Variants in TRABD2B observed in about 807,000 individuals in gnomAD.
TRABD2B encodes the protein metalloprotease TIKI2.
A neutral mutation model predicts 40.1 loss-of-function variants in TRABD2B; 14 were observed. The observed-to-expected ratio is 0.35, with a 90% confidence interval of 0.23 to 0.55. TRABD2B has a LOEUF of 0.55. Ranked by LOEUF, TRABD2B falls within the 20% of genes least tolerant of loss-of-function variation. TRABD2B has a pLI of 0.90. For missense variants in TRABD2B, 541 were observed against 648.6 expected, an observed-to-expected ratio of 0.83 and a Z score of 1.80; for synonymous variants, 263 against 277.0, an observed-to-expected ratio of 0.95 and a Z score of 0.50.
chr1:47,844,295 T>A (rs1645438718), intron 2 of TRABD2B, among the ~76,000 whole-genome samples: 3 of 152,210 alleles, frequency 2.0e-5, no homozygotes, highest in Admixed American at 6.5e-5. Context: ...TGTCCATGCC[T>A]GCCCAGAGTT....
chr1:47,951,607 G>A (rs1464950777), intron 2 of TRABD2B, among the ~76,000 whole-genome samples: 1 of 152,182 alleles, frequency 6.6e-6, no homozygotes, highest in Non-Finnish European at 1.5e-5. Context: ...GGGCACAGCT[G>A]GTTGGCTGTG....
chr1:47,887,579 GC>G (rs1644387263), intron 2 of TRABD2B, among the ~76,000 whole-genome samples: 2 of 148,954 alleles, frequency 1.3e-5, no homozygotes, highest in South Asian at 4.4e-4. Context: ...TGGGGTGGGG[GC>G]CGGCGGGGGG....
intron 2 of TRABD2B, among the ~76,000 whole-genome samples, chr1:47,831,980 C>T (rs1645256062): frequency 6.6e-6 from 1 of 152,214 alleles, no homozygotes; most frequent in Admixed American, 6.5e-5. Context: ...TGGTCTGGAG[C>T]TTATGTTTTA....
At chr1:47,872,417 A>AATGG (rs1240318520) in intron 2 of TRABD2B, among the ~76,000 whole-genome samples, 2 of 152,036 alleles carry the variant, frequency 1.3e-5, no homozygotes, top group Non-Finnish European at 2.9e-5. Context: ...TGAATGGAGG[A>AATGG]ATGGATGGAT....
chr1:47,809,786 G>A (rs1644939088), intron 2 of TRABD2B, among the ~76,000 whole-genome samples: 1 of 152,196 alleles, frequency 6.6e-6, no homozygotes, highest in African/African-American at 2.4e-5. Context: ...ATTTCCTGGA[G>A]CTGTGGACTG....
At chr1:47,945,460 C>A (rs1645247851) in intron 2 of TRABD2B, among the ~76,000 whole-genome samples, 1 of 152,234 alleles carries the variant, frequency 6.6e-6, no homozygotes, top group South Asian at 2.1e-4. Context: ...AATAAATGCA[C>A]CTTTTTTTGG....
intron 2 of TRABD2B, among the ~76,000 whole-genome samples, chr1:47,805,327 G>A (rs141059980): frequency 2.0e-3 from 308 of 151,578 alleles, no homozygotes; most frequent in Non-Finnish European, 3.6e-3. Context: ...TAATAAGTCT[G>A]TTATTAATAG....
chr1:47,765,860 C>G lies in TRABD2B; in HGVS notation c.*42G>C, dbSNP rs1351551271. On this transcript the variant is annotated 3_prime_UTR_variant, in exon 7 of 7. Transcript: ENST00000606738. ...GAGCAGTTGGGTGTGGCCGAAGACC[C>G]CTGTGTCATTTCTCTGGCTTCTCCA... 2 of 702,750 alleles carry G rather than the reference C, an allele frequency of 2.8e-6. No homozygotes were observed. Among genetic ancestry groups the G allele is most frequent in the Admixed American group, 2.0e-5 (1 of 49,992 alleles). The allele number at this position is 702,750 out of a possible 1,614,324, so 43.5% of individuals were successfully genotyped here.
rs147296707 is a variant in TRABD2B, at chr1:47,890,563, A to G, written c.667-88944T>C. 4.1e-4 allele frequency among the ~76,000 whole-genome samples: 62 copies of G among 152,198 alleles called. 1 individual carries two copies. In the East Asian group the frequency reaches 0.011, roughly 28 times the overall value. On this transcript the variant is annotated intron_variant, in intron 2 of 6. Transcript: ENST00000606738. Reference sequence around the variant, plus strand: ...TGAAAGAGCATTTCTTCAGCTTCCTACTGCTGGGGGGGCCCAGGTGTCCAC... The same window carrying G: ...TGAAAGAGCATTTCTTCAGCTTCCTGCTGCTGGGGGGGCCCAGGTGTCCAC...
chr1:47,815,238 A>G (rs1281179807), intron 2 of TRABD2B, among the ~76,000 whole-genome samples: 2 of 152,234 alleles, frequency 1.3e-5, no homozygotes, highest in African/African-American at 2.4e-5. Flanking sequence ...AGTCAGACAC[A>G]TTCTGGATGA....
chr1:47,867,313 G>A (rs1172215757), intron 2 of TRABD2B, among the ~76,000 whole-genome samples: 1 of 152,222 alleles, frequency 6.6e-6, no homozygotes, highest in Non-Finnish European at 1.5e-5. Context: ...GCTGGTGGTG[G>A]TAGGAAGGGA....
At chr1:47,804,635 G>C (rs1292890037) in intron 2 of TRABD2B, among the ~76,000 whole-genome samples, 2 of 152,202 alleles carry the variant, frequency 1.3e-5, no homozygotes, top group Non-Finnish European at 1.5e-5. Flanking sequence ...CACAGAGCTG[G>C]AAGGTGTTCC....
At chr1:47,827,509 G>A (rs4511165) in intron 2 of TRABD2B, among the ~76,000 whole-genome samples, 47,437 of 152,112 alleles carry the variant, frequency 0.31, 7,753 homozygotes, top group Non-Finnish European at 0.37. Flanking sequence ...TCCAGAGCCT[G>A]AAAGAAGCAT....
In TRABD2B at chr1:47,855,719, A is replaced by T. The variant is rs1643883591; in HGVS notation, c.667-54100T>A. ...GGGGGCTTTGGGAGGTAATCAGGTC[A>T]TGAAGGTGGAGCCCTCATTAGTGCC... On this transcript the variant is annotated intron_variant, in intron 2 of 6. Coordinates refer to ENST00000606738, the MANE Select transcript of TRABD2B (RefSeq NM_001194986.2). 2.0e-5 allele frequency among the ~76,000 whole-genome samples: 3 copies of T among 152,228 alleles called. No homozygotes were observed. The South Asian group carries it at 6.2e-4, about 32-fold the overall frequency.
intron 2 of TRABD2B, among the ~76,000 whole-genome samples, chr1:47,943,883 T>A (rs185804038): frequency 2.5e-4 from 38 of 152,260 alleles, no homozygotes; most frequent in African/African-American, 9.1e-4. Context: ...CATGAGCATT[T>A]ACCACACACC....
chr1:47,821,036 C>G (rs1233887852), intron 2 of TRABD2B, among the ~76,000 whole-genome samples: 1 of 152,160 alleles, frequency 6.6e-6, no homozygotes, highest in East Asian at 1.9e-4. Context: ...TGATGGTGCC[C>G]CTGTCTGGGT....
At chr1:47,869,502 C>T (rs1644110337) in intron 2 of TRABD2B, among the ~76,000 whole-genome samples, 1 of 152,194 alleles carries the variant, frequency 6.6e-6, no homozygotes, top group South Asian at 2.1e-4. Context: ...GTGTCCTCTC[C>T]AAAGGGCACC....
intron 2 of TRABD2B, among the ~76,000 whole-genome samples, chr1:47,989,460 C>T (rs1296314524): frequency 6.6e-6 from 1 of 152,164 alleles, no homozygotes; most frequent in Non-Finnish European, 1.5e-5. Flanking sequence ...TTGCTGGCCC[C>T]GCCAGGGTGT....
chr1:47,813,511 G>A lies in TRABD2B; in HGVS notation c.667-11892C>T, dbSNP rs2124363468. The stretch of plus-strand genomic sequence containing the variant: ...GAGATCTGACCCAGTTTTAAACCTA[G>A]GACCTGCTACATGCAGGCTGTGTGA... On this transcript the variant is annotated intron_variant, in intron 2 of 6. Transcript: ENST00000606738. This position sits in a 1 kb window ranked among gnomAD's most constrained non-coding sequence, Gnocchi z 4.3. 6.6e-6 allele frequency among the ~76,000 whole-genome samples: 1 copy of A among 152,324 alleles called. No individual in the cohort carries two copies. The highest frequency in any genetic ancestry group is 2.1e-4 in the South Asian group (1 of 4,828).
Sources: allele counts gnomAD v4.1 joint callset (sites outside exome capture counted in the v4.1 genomes callset), GRCh38; gene constraint gnomAD v4.1.1; non-coding constraint Gnocchi (gnomAD v3.1); transcripts MANE v1.5; gene names NCBI Gene and HGNC (gene_info 2026-07-23, HGNC 2026-07-21).